The following HSD17B12 variants were observed in gnomAD, a reference collection of about 807,000 sequenced individuals.
The protein encoded by HSD17B12 is very-long-chain 3-oxoacyl-CoA reductase.
Under a neutral mutation model 39.3 loss-of-function variants are expected in HSD17B12, and 32 were observed. The ratio of observed to expected loss-of-function variants is 0.81; its 90% CI spans 0.61 to 1.09. The LOEUF is 1.09. HSD17B12 is among the 50% of genes least tolerant of loss of function. HSD17B12 has a pLI of 0.00. For synonymous variants in HSD17B12, 150 were observed against 146.7 expected, an observed-to-expected ratio of 1.02 and a Z score of -0.16; for missense variants, 342 against 382.9, an observed-to-expected ratio of 0.89 and a Z score of 0.89.
chr11:43,849,499 T>G (rs993324514), intron 9 of HSD17B12, among the ~76,000 whole-genome samples: 1 of 152,188 alleles, frequency 6.6e-6, no homozygotes, highest in South Asian at 2.1e-4. Context: ...GGAAACACTT[T>G]GAGGATGCCT....
At chr11:43,680,291 C>T (rs1949728016), upstream of HSD17B12, among the ~76,000 whole-genome samples, 1 of 152,150 alleles carries the variant, frequency 6.6e-6, no homozygotes, top group Admixed American at 6.5e-5. Context: ...AGGCTGGTCT[C>T]GGACTCCTAA....
intron 3 of HSD17B12, among the ~76,000 whole-genome samples, chr11:43,786,114 A>G (rs942085089): frequency 6.6e-6 from 1 of 152,190 alleles, no homozygotes; most frequent in Non-Finnish European, 1.5e-5. Context: ...TGCCTGCCAA[A>G]TTCAAATAAG....
At chr11:43,789,943 C>T (rs2135028301) in intron 3 of HSD17B12, among the ~76,000 whole-genome samples, 1 of 152,128 alleles carries the variant, frequency 6.6e-6, no homozygotes, top group Admixed American at 6.5e-5. Context: ...CTGCCCACTG[C>T]CTCCCCCCCG....
chr11:43,654,793 C>T, the HSD17B12 span, among the ~76,000 whole-genome samples: 1 of 152,200 alleles, frequency 6.6e-6, no homozygotes, highest in Non-Finnish European at 1.5e-5. Context: ...GTTTTGGTTA[C>T]TGTAGCCTTG....
At chr11:43,761,479 A>G (rs1950554562) in intron 3 of HSD17B12, among the ~76,000 whole-genome samples, 1 of 152,222 alleles carries the variant, frequency 6.6e-6, no homozygotes, top group African/African-American at 2.4e-5. Flanking sequence ...AAACCACCCC[A>G]AACTTATTGT....
At chr11:43,724,622 T>C (rs952855766) in intron 1 of HSD17B12, among the ~76,000 whole-genome samples, 12 of 152,124 alleles carry the variant, frequency 7.9e-5, no homozygotes, top group African/African-American at 2.9e-4. Flanking sequence ...TGTCCTCTCA[T>C]GGCAGAGGGG....
intron 6 of HSD17B12, among the ~76,000 whole-genome samples, chr11:43,825,588 C>A (rs1380551916): frequency 6.6e-6 from 1 of 152,176 alleles, no homozygotes; most frequent in Non-Finnish European, 1.5e-5. Context: ...GAGAGTAAAA[C>A]CCTCACCACT....
At chr11:43,643,268 A>G in the HSD17B12 span, among the ~76,000 whole-genome samples, 27,876 of 152,116 alleles carry the variant, frequency 0.18, 3,055 homozygotes, top group Middle Eastern at 0.27. Context: ...TTGAACTTAC[A>G]TTGATGATAC....
chr11:43,841,239 C>T (rs1951423015), intron 9 of HSD17B12, among the ~76,000 whole-genome samples: 1 of 152,060 alleles, frequency 6.6e-6, no homozygotes, highest in African/African-American at 2.4e-5. Flanking sequence ...TGTTTGGTTT[C>T]TTGTCATTGG....
At chr11:43,706,689 GGTGTGTGTGT>G (rs147962977) in intron 1 of HSD17B12, among the ~76,000 whole-genome samples, 3 of 137,820 alleles carry the variant, frequency 2.2e-5, no homozygotes, top group Non-Finnish European at 3.1e-5. Context: ...TGAATGAAGG[GGTGTGTGTGT>G]GTGTGTGTGT....
At chr11:43,713,922 C>G (rs1950095462) in intron 1 of HSD17B12, among the ~76,000 whole-genome samples, 6 of 152,160 alleles carry the variant, frequency 3.9e-5, no homozygotes, top group Admixed American at 3.9e-4. Flanking sequence ...GCATAAATGT[C>G]TTCTTTTGAG....
the HSD17B12 span, among the ~76,000 whole-genome samples, chr11:43,634,805 G>T: frequency 5.2e-4 from 79 of 152,300 alleles, no homozygotes; most frequent in Admixed American, 1.4e-3. Flanking sequence ...GAATTGGTTG[G>T]AATTAGCCAC....
intron 1 of HSD17B12, among the ~76,000 whole-genome samples, chr11:43,697,192 A>G (rs979989700): frequency 2.6e-5 from 4 of 152,086 alleles, no homozygotes; most frequent in Non-Finnish European, 5.9e-5. Context: ...AAACAAACAA[A>G]AAGAAAGCCA....
chr11:43,614,209 T>C, the HSD17B12 span, among the ~76,000 whole-genome samples: 1 of 152,204 alleles, frequency 6.6e-6, no homozygotes, highest in African/African-American at 2.4e-5. Flanking sequence ...TTATCTCATC[T>C]TGTGGCTATC....
chr11:43,564,746 T>C, the HSD17B12 span, among the ~76,000 whole-genome samples: 1 of 152,204 alleles, frequency 6.6e-6, no homozygotes, highest in Non-Finnish European at 1.5e-5. Context: ...TATACTATTT[T>C]AAACCAATTG....
the HSD17B12 span, among the ~76,000 whole-genome samples, chr11:43,650,164 G>T: frequency 6.6e-6 from 1 of 152,202 alleles, no homozygotes; most frequent in East Asian, 1.9e-4. Context: ...AAATACTGGG[G>T]GAAAATTTTT....
At chr11:43,562,385 G>A in the HSD17B12 span, among the ~76,000 whole-genome samples, 2 of 152,166 alleles carry the variant, frequency 1.3e-5, no homozygotes, top group Admixed American at 6.5e-5. Context: ...TCTTATATGT[G>A]GTTGGTTATG....
At chr11:43,738,010 T>TCCGCC (rs1950332140) in intron 1 of HSD17B12, among the ~76,000 whole-genome samples, 1 of 150,044 alleles carries the variant, frequency 6.7e-6, no homozygotes, top group Admixed American at 6.7e-5. Context: ...CAGGCGGAGC[T>TCCGCC]TGCAGTGAGC....
At chr11:43,634,860 A>T in the HSD17B12 span, among the ~76,000 whole-genome samples, 1 of 152,236 alleles carries the variant, frequency 6.6e-6, no homozygotes, top group African/African-American at 2.4e-5. Context: ...ACTGTCACTG[A>T]TGACAGAATA....
Sources: allele counts gnomAD v4.1 joint callset (sites outside exome capture counted in the v4.1 genomes callset), GRCh38; gene constraint gnomAD v4.1.1; transcripts MANE v1.5; gene names NCBI Gene and HGNC (gene_info 2026-07-23, HGNC 2026-07-21).